ZNF524: variants seen among roughly 807,000 people sequenced by gnomAD.
ZNF524 encodes zinc finger protein 524.
For missense variants in ZNF524, 388 were observed against 380.1 expected, an observed-to-expected ratio of 1.02 and a Z score of -0.17; for synonymous variants, 194 against 166.3, an observed-to-expected ratio of 1.17 and a Z score of -1.28.
Position 55,602,254 on chromosome 19 carries a change from G to T in ZNF524, c.142G>T (p.Ala48Ser). 1 of 1,609,940 alleles carries T rather than the reference G, an allele frequency of 6.2e-7. No individual in the cohort carries two copies. The highest frequency in any genetic ancestry group is 8.5e-7 in the Non-Finnish European group (1 of 1,178,488). The change falls in exon 2 of 2, where the codon GCC becomes TCC. Residue 48 changes from alanine (A) to serine (S), a missense_variant. Physicochemically the swap from Ala to Ser is moderately conservative, Grantham distance 99. Transcript: ENST00000301073. ...GATSSNRTLK[A>S]SLPRKRGRPP... ...CACCTCCTCAAATCGGACACTCAAG[G>T]CCTCCCTCCCTCGCAAGCGGGGCCG...
chr19:55,600,054 G>T (rs1423053), upstream of ZNF524: 142,529 of 152,280 alleles, frequency 0.94, 66,865 homozygotes, highest in African/African-American at 0.98. Context: ...CCCGACTGTG[G>T]GCTTTGTGAG....
In ZNF524 at chr19:55,602,383, G is replaced by T. The variant is rs553742743; in HGVS notation, c.271G>T (p.Gly91Cys). ...GSDLLLIDDQ[G>C]VPYTVSEGSA... is the part of the protein sequence containing the mutation. ...CGACCTCCTCCTGATCGATGATCAG[G>T]GTGTGCCCTATACGGTCTCTGAAGG... The change falls in exon 2 of 2, where the codon GGT (glycine) becomes TGT (cysteine). Residue 91 changes from glycine to cysteine, a missense_variant. Gly to Cys is a radical substitution (Grantham distance 159). Coordinates refer to ENST00000301073, the MANE Select transcript of ZNF524 (RefSeq NM_153219.4). 3 of 1,571,672 alleles carry T rather than the reference G, an allele frequency of 1.9e-6. No homozygotes were observed. In the Admixed American group the frequency reaches 5.6e-5, roughly 29 times the overall value.
Position 55,602,121 on chromosome 19 carries a change from C to A in ZNF524, c.9C>A (p.Thr3=), listed in dbSNP as rs747412839. Residue 3 remains threonine (T), a synonymous_variant, in exon 2 of 2, where the codon ACC becomes ACA. Transcript: ENST00000301073. MD[T]PSPDPLPSPL... is the part of the protein sequence containing the mutation. ...AAGCCCCCCACTGCTCAATGGACAC[C>A]CCCAGCCCAGACCCGTTGCCTTCGC... 38 of 1,536,970 alleles carry A rather than the reference C, an allele frequency of 2.5e-5. No individual in the cohort carries two copies. The Admixed American group carries it at 7.5e-4, about 31-fold the overall frequency.
chr19:55,602,956 TTGGC>T lies in ZNF524; in HGVS notation c.*53_*56del, dbSNP rs1980780556. The T allele has an allele frequency of 6.7e-7, 1 of 1,485,740 alleles. No homozygotes were observed. The highest frequency in any genetic ancestry group is 2.3e-5 in the Admixed American group (1 of 43,738). 92.0% of individuals were successfully genotyped at this position (1,485,740 alleles called of 1,614,324 possible). A position where few individuals can be genotyped will look rare whatever the true frequency, so the allele number is the denominator to read the frequency against. On this transcript the variant is annotated 3_prime_UTR_variant, in exon 2 of 2. Coordinates refer to ENST00000301073, the MANE Select transcript of ZNF524 (RefSeq NM_153219.4). ...CTGGGCCAGGTTTAGAGCAGGGAGT[TTGGC>T]TGGTGCTGGGCCTGAGCCAGGGGGC...
intron 1 of ZNF524, 35 bp from the exon 2 acceptor site, chr19:55,602,040 C>T: frequency 7.1e-7 from 1 of 1,412,716 alleles, no homozygotes; most frequent in Non-Finnish European, 9.6e-7. Flanking sequence ...GCTCTAGACC[C>T]TGTGAGCACT....
Position 55,602,269 on chromosome 19 carries a change from A to G in ZNF524, c.157A>G (p.Lys53Glu). ...GACACTCAAGGCCTCCCTCCCTCGC[A>G]AGCGGGGCCGCCCCCCCAAGTCAGG... ...NRTLKASLPR[K>E]RGRPPKSGQE... The change falls in exon 2 of 2, where the codon AAG becomes GAG. Residue 53 changes from lysine (K) to glutamate (E), a missense_variant. By Grantham distance (56) the Lys-to-Glu change is moderately conservative. Coordinates refer to ENST00000301073, the MANE Select transcript of ZNF524 (RefSeq NM_153219.4). 1 of 1,599,118 alleles carries G rather than the reference A, an allele frequency of 6.3e-7. No individual in the cohort carries two copies. The highest frequency in any genetic ancestry group is 2.3e-5 in the East Asian group (1 of 44,170).
rs1980776109 is a variant in ZNF524, at chr19:55,602,906, G to A, written c.794G>A (p.Ter265=). The change falls in exon 2 of 2, where the codon TGA becomes TAA. Residue 265 remains the stop codon, a stop_retained_variant. Transcript: ENST00000301073. ...ACAGAGGGGAAAGGGGAGCCGGCCTGACCCACACCCCCGGCCATCGCTCCC... is the reference window on the plus strand; with the variant it reads ...ACAGAGGGGAAAGGGGAGCCGGCCTAACCCACACCCCCGGCCATCGCTCCC... ...EETEGKGEPA[*] is the part of the protein sequence containing the mutation. The A allele has an allele frequency of 1.3e-6, 2 of 1,558,842 alleles. No homozygotes were observed. The highest frequency in any genetic ancestry group is 2.3e-5 in the East Asian group (1 of 43,168).
upstream of ZNF524, chr19:55,599,943 A>G (rs2123566783): frequency 2.0e-5 from 3 of 152,258 alleles, 1 homozygote; most frequent in Admixed American, 2.0e-4. Context: ...TTATCCACTT[A>G]GCACTCCATG....
chr19:55,602,003 G>A (rs1980703165), intron 1 of ZNF524, 72 bp from the exon 2 acceptor site: 11 of 981,416 alleles, frequency 1.1e-5, no homozygotes, highest in Non-Finnish European at 1.6e-5. Flanking sequence ...AGAGAGGGAT[G>A]GGCGAGGTGT....
At chr19:55,600,452 G>A (rs1362305244) in intron 1 of ZNF524, 44 bp downstream of exon 1, 1 of 150,154 alleles carries the variant, frequency 6.7e-6, no homozygotes, top group Non-Finnish European at 1.5e-5. Context: ...GGGGTGTGGG[G>A]GTAGGGGAGG....
upstream of ZNF524, chr19:55,599,877 AAAAG>A (rs985978477): frequency 4.3e-4 from 65 of 152,380 alleles, no homozygotes; most frequent in African/African-American, 1.4e-3. Flanking sequence ...TAGGGAAAAA[AAAAG>A]AAAGCGAAGT....
At position 55,602,413 on chromosome 19, in the gene ZNF524, G is replaced by A. The variant is rs1473595939; in HGVS notation, c.301G>A (p.Ala101Thr). The change falls in exon 2 of 2, where the codon GCG (alanine) becomes ACG (threonine). Residue 101 changes from alanine (A) to threonine (T), a missense_variant. Physicochemically the swap from Ala to Thr is moderately conservative, Grantham distance 58. Transcript: ENST00000301073. ...GVPYTVSEGS[A>T]AGPEGSGPRK... Reference sequence around the variant, plus strand: ...GCCCTATACGGTCTCTGAAGGTTCAGCGGCTGGGCCTGAGGGCTCTGGCCC... The same window carrying A: ...GCCCTATACGGTCTCTGAAGGTTCAACGGCTGGGCCTGAGGGCTCTGGCCC... 2 of 1,588,270 alleles carry A rather than the reference G, an allele frequency of 1.3e-6. No individual in the cohort carries two copies. Among genetic ancestry groups the A allele is most frequent in the African/African-American group, 1.3e-5 (1 of 74,244 alleles).
rs1249092704 is a variant in ZNF524, at chr19:55,602,607, C to A, written c.495C>A (p.Ala165=). ...TGCGGCGGCACTGCAACATCCATGCCGGCCTGCGGCCCTTCCGCTGCCCGC... is the reference window on the plus strand; with the variant it reads ...TGCGGCGGCACTGCAACATCCATGCAGGCCTGCGGCCCTTCCGCTGCCCGC... ...SHLRRHCNIH[A]GLRPFRCPLC... The change falls in exon 2 of 2, where the codon GCC becomes GCA. Residue 165 remains alanine (A), a synonymous_variant. Transcript: ENST00000301073. The A allele has an allele frequency of 6.3e-7, 1 of 1,580,188 alleles. No individual in the cohort carries two copies. Among genetic ancestry groups the A allele is most frequent in the Non-Finnish European group, 8.5e-7 (1 of 1,169,634 alleles).
rs1386832344 is a variant in ZNF524, at chr19:55,603,138, C to A, written c.*231C>A. On this transcript the variant is annotated 3_prime_UTR_variant, in exon 2 of 2. Transcript: ENST00000301073. ...GTGGAAATAAATCTCTGCCTGCTGG[C>A]TGCCTGTGTGTGTTCCGTGCCGGGA... 1.7e-6 allele frequency: 1 copy of A among 586,846 alleles called. No individual in the cohort carries two copies. The highest frequency in any genetic ancestry group is 3.1e-6 in the Non-Finnish European group (1 of 327,092). The allele number at this position is 586,846 out of a possible 1,614,324, so 36.4% of individuals were successfully genotyped here.
At chr19:55,599,818 T>C (rs76240122), upstream of ZNF524, 23,321 of 152,176 alleles carry the variant, frequency 0.15, 1,820 homozygotes, top group Admixed American at 0.19. Context: ...GCAGATACTA[T>C]TTCTTTTTCA....
chr19:55,601,378 G>A (rs1443796542), intron 1 of ZNF524: 1 of 152,258 alleles, frequency 6.6e-6, no homozygotes, highest in Non-Finnish European at 1.5e-5. Flanking sequence ...AAGCTTCTGT[G>A]TATGAACACT....
chr19:55,600,939 G>A (rs190387969), intron 1 of ZNF524: 1 of 152,286 alleles, frequency 6.6e-6, no homozygotes, highest in Non-Finnish European at 1.5e-5. Flanking sequence ...TGGGCGCCGG[G>A]AAGATGGTGG....
intron 1 of ZNF524, chr19:55,600,801 A>G (rs920597323): frequency 1.4e-5 from 2 of 147,218 alleles, no homozygotes; most frequent in African/African-American, 5.0e-5. Context: ...CTCTCTGGAC[A>G]GCAGTCTATG....
chr19:55,602,384 G>T lies in ZNF524; in HGVS notation c.272G>T (p.Gly91Val). ...GACCTCCTCCTGATCGATGATCAGG[G>T]TGTGCCCTATACGGTCTCTGAAGGT... is the stretch of plus-strand genomic sequence containing the variant. The part of the protein sequence containing the change: ...GSDLLLIDDQ[G>V]VPYTVSEGSA... The change falls in exon 2 of 2, where the codon GGT becomes GTT. Residue 91 changes from glycine to valine, a missense_variant. By Grantham distance (109) the Gly-to-Val change is moderately radical. Transcript: ENST00000301073. 1 of 1,572,222 alleles carries T rather than the reference G, an allele frequency of 6.4e-7. No individual in the cohort carries two copies.
Sources: allele counts gnomAD v4.1 joint callset, GRCh38; gene constraint gnomAD v4.1.1; transcripts MANE v1.5; gene names NCBI Gene and HGNC (gene_info 2026-07-23, HGNC 2026-07-21).